ZFPM2: variants seen among roughly 807,000 people sequenced by gnomAD.
The protein encoded by ZFPM2 is zinc finger protein, FOG family member 2, also known as zinc finger protein ZFPM2.
A neutral mutation model predicts 98.6 loss-of-function variants in ZFPM2; 20 were observed. The observed-to-expected ratio is 0.20, with a 90% CI of 0.14 to 0.29. The LOEUF (loss-of-function observed/expected upper bound fraction) is 0.29, where lower values mean the gene tolerates loss of function less well. Ranked by LOEUF, ZFPM2 falls within the 10% of genes least tolerant of loss-of-function variation. The pLI is 1.00. For missense variants in ZFPM2, 1,310 were observed against 1,388.6 expected (o/e 0.94, Z 0.90); for synonymous variants, 518 against 502.7 (o/e 1.03, Z -0.41).
At chr8:105,334,976 G>A (rs185012294) in intron 1 of ZFPM2, among the ~76,000 whole-genome samples, 2 of 151,652 alleles carry the variant, frequency 1.3e-5, no homozygotes, top group East Asian at 3.9e-4. Context: ...AGTGTCAGTG[G>A]GGTTTGAAAG....
chr8:105,788,869 G>A lies in ZFPM2; in HGVS notation c.684G>A (p.Gln228=), dbSNP rs764812420. The A allele has an allele frequency of 6.2e-7, 1 of 1,613,694 alleles. No individual in the cohort carries two copies. ...CTGCACGCCTGCTGGACTCAATTCA[G>A]CTGCTTCCTCAGCAAGCTGCCATGG... The part of the protein sequence containing the change: ...MYPARLLDSI[Q]LLPQQAAMAS... Residue 228 remains glutamine, a synonymous_variant, in exon 6 of 8, where the codon CAG becomes CAA. Coordinates refer to ENST00000407775, the MANE Select transcript of ZFPM2 (RefSeq NM_012082.4).
chr8:105,485,878 TA>T (rs1813221626), intron 3 of ZFPM2, among the ~76,000 whole-genome samples: 1 of 152,184 alleles, frequency 6.6e-6, no homozygotes, highest in Admixed American at 6.5e-5. Flanking sequence ...AGAAGCGATT[TA>T]AGCTTCTTTT....
At chr8:105,440,474 A>G (rs565706778) in intron 2 of ZFPM2, among the ~76,000 whole-genome samples, 2 of 152,240 alleles carry the variant, frequency 1.3e-5, no homozygotes, top group African/African-American at 4.8e-5. Context: ...AAAGTAGCAT[A>G]AGAAGTTGGG....
intron 5 of ZFPM2, among the ~76,000 whole-genome samples, chr8:105,709,736 GA>G (rs1248419237): frequency 2.6e-5 from 4 of 151,964 alleles, no homozygotes; most frequent in African/African-American, 9.7e-5. Flanking sequence ...TTTATTTAAA[GA>G]AAAAAATTTT....
chr8:105,581,958 C>T (rs544403784), intron 4 of ZFPM2, among the ~76,000 whole-genome samples: 1 of 152,318 alleles, frequency 6.6e-6, no homozygotes, highest in East Asian at 1.9e-4. Flanking sequence ...GACACTCCTT[C>T]TATTATAGTG....
At chr8:105,615,193 T>C (rs1444933241) in intron 4 of ZFPM2, among the ~76,000 whole-genome samples, 1 of 151,994 alleles carries the variant, frequency 6.6e-6, no homozygotes, top group African/African-American at 2.4e-5. Flanking sequence ...AACACTCTTA[T>C]GGTCTTGGTT....
intron 4 of ZFPM2, among the ~76,000 whole-genome samples, chr8:105,584,475 G>C (rs961636771): frequency 6.6e-6 from 1 of 151,946 alleles, no homozygotes; most frequent in African/African-American, 2.4e-5. Flanking sequence ...TCTTTTTCCC[G>C]TGGCGTCAAA....
intron 1 of ZFPM2, among the ~76,000 whole-genome samples, chr8:105,379,210 T>G (rs76891421): frequency 0.025 from 3,761 of 152,322 alleles, 149 homozygotes; most frequent in African/African-American, 0.086. Context: ...CCTAATTTAA[T>G]TGCTGTGTAT....
intron 5 of ZFPM2, among the ~76,000 whole-genome samples, chr8:105,673,075 A>G (rs775041577): frequency 8.5e-5 from 13 of 152,212 alleles, no homozygotes; most frequent in Non-Finnish European, 1.6e-4. Flanking sequence ...GATTTCACAG[A>G]ACAACTAAGG....
chr8:105,430,303 C>T (rs1811995268), intron 2 of ZFPM2, among the ~76,000 whole-genome samples: 1 of 152,170 alleles, frequency 6.6e-6, no homozygotes. Context: ...GAATCAACCC[C>T]TTTTAGTACC....
Position 105,456,825 on chromosome 8 carries a change from A to G in ZFPM2, c.301+12444A>G, listed in dbSNP as rs547936406. 2.8e-4 allele frequency among the ~76,000 whole-genome samples: 42 copies of G among 151,982 alleles called. 1 individual carries two copies. The South Asian group carries it at 8.3e-3, about 30-fold the overall frequency. On this transcript the variant is annotated intron_variant, in intron 3 of 7. Coordinates refer to ENST00000407775, the MANE Select transcript of ZFPM2 (RefSeq NM_012082.4). ...ATGGCGGGGACTACAGGCTCACACC[A>G]CCATGCCTGGCTACTTTTTTGTATT...
chr8:105,319,029 G>T (rs1811966592), intron 1 of ZFPM2, 48 bp downstream of exon 1: 2 of 1,469,456 alleles, frequency 1.4e-6, no homozygotes, highest in African/African-American at 2.9e-5. Flanking sequence ...TTGCCCAGGA[G>T]CGGGGTGCGC....
chr8:105,537,591 G>A (rs1233590644), intron 3 of ZFPM2, among the ~76,000 whole-genome samples: 1 of 152,122 alleles, frequency 6.6e-6, no homozygotes, highest in African/African-American at 2.4e-5. Context: ...GCTGAGGCAG[G>A]AAATTTCCTG....
At chr8:105,585,648 A>AT (rs1029934347) in intron 4 of ZFPM2, among the ~76,000 whole-genome samples, 4 of 152,206 alleles carry the variant, frequency 2.6e-5, no homozygotes, top group African/African-American at 9.7e-5. Flanking sequence ...AGACAAATAA[A>AT]TGTGCAATTA....
At chr8:105,673,639 T>G (rs1481756405) in intron 5 of ZFPM2, among the ~76,000 whole-genome samples, 1 of 152,262 alleles carries the variant, frequency 6.6e-6, no homozygotes, top group African/African-American at 2.4e-5. Context: ...ACTAATATTT[T>G]TAAAACTTAA....
At chr8:105,558,992 A>C (rs1004100448) in intron 3 of ZFPM2, among the ~76,000 whole-genome samples, 1 of 152,280 alleles carries the variant, frequency 6.6e-6, no homozygotes, top group South Asian at 2.1e-4. Context: ...AAATTATCCT[A>C]AATATTTCAA....
intron 5 of ZFPM2, among the ~76,000 whole-genome samples, chr8:105,642,159 A>G (rs1407815333): frequency 6.6e-6 from 1 of 152,018 alleles, no homozygotes; most frequent in Non-Finnish European, 1.5e-5. Context: ...ATTTTTTTTC[A>G]GGGTAAGATA....
In ZFPM2 at chr8:105,702,296, C is replaced by G. The variant is rs113389805; in HGVS notation, c.532+67939C>G. Among the ~76,000 whole-genome samples, 896 of 152,330 alleles carry G rather than the reference C, an allele frequency of 5.9e-3. 7 individuals carry two copies. Among genetic ancestry groups the G allele is most frequent in the African/African-American group, 0.02 (849 of 41,578 alleles). On this transcript the variant is annotated intron_variant, in intron 5 of 7. Coordinates refer to ENST00000407775, the MANE Select transcript of ZFPM2 (RefSeq NM_012082.4). ...CTAAGGCATTAGCCACAGAATGTAACAGCAGCCTGTGTTAGGTCTTCCCAT... is the reference window on the plus strand; with the variant it reads ...CTAAGGCATTAGCCACAGAATGTAAGAGCAGCCTGTGTTAGGTCTTCCCAT...
intron 4 of ZFPM2, among the ~76,000 whole-genome samples, chr8:105,581,005 A>G (rs1815584119): frequency 6.6e-6 from 1 of 152,000 alleles, no homozygotes; most frequent in South Asian, 2.1e-4. Context: ...AACTCAAGCT[A>G]AACTTCTGTG....
Sources: allele counts gnomAD v4.1 joint callset (sites outside exome capture counted in the v4.1 genomes callset), GRCh38; gene constraint gnomAD v4.1.1; transcripts MANE v1.5; gene names NCBI Gene and HGNC (gene_info 2026-07-23, HGNC 2026-07-21).